Variants in FLT1 observed in about 807,000 individuals in gnomAD.
FLT1 encodes the protein fms related receptor tyrosine kinase 1.
A neutral mutation model predicts 156.3 loss-of-function variants in FLT1; 49 were observed. That is an observed-to-expected ratio of 0.31 (90% confidence interval 0.25 to 0.40). FLT1 has a LOEUF of 0.40. Ranked by LOEUF, FLT1 falls within the 10% of genes least tolerant of loss-of-function variation. The pLI is 1.00. For missense variants in FLT1, 1,322 were observed against 1,637.2 expected (o/e 0.81, Z 3.32); for synonymous variants, 594 against 583.8 (o/e 1.02, Z -0.25).
Position 28,329,772 on chromosome 13 carries a change from G to C in FLT1, c.2594-44C>G, listed in dbSNP as rs1315806176. Reference sequence around the variant, plus strand: ...AGAGTCAGGGCGACAGGACAATGGGGCTCCTTCCGCCGGAGGCGGCATTCT... The same window carrying C: ...AGAGTCAGGGCGACAGGACAATGGGCCTCCTTCCGCCGGAGGCGGCATTCT... On this transcript the variant is annotated intron_variant, in intron 18 of 29. Transcript: ENST00000282397. The C allele has an allele frequency of 4.0e-6, 6 of 1,499,172 alleles. No homozygotes were observed. The East Asian group carries it at 1.1e-4, about 28-fold the overall frequency. 92.9% of individuals were successfully genotyped at this position (1,499,172 alleles called of 1,614,324 possible). A position where few individuals can be genotyped will look rare whatever the true frequency, so the allele number is the denominator to read the frequency against.
intron 10 of FLT1, among the ~76,000 whole-genome samples, chr13:28,416,790 C>T (rs747493799): frequency 2.0e-5 from 3 of 152,134 alleles, no homozygotes; most frequent in Non-Finnish European, 2.9e-5. Flanking sequence ...CCTCATCCTA[C>T]GTGTTCAAGT....
At chr13:28,387,264 GA>G in intron 13 of FLT1, 1 of 1,041,414 alleles carries the variant, frequency 9.6e-7, no homozygotes, top group Non-Finnish European at 1.2e-6. Context: ...ACCCATTTCT[GA>G]AAAATGTTCT....
intron 1 of FLT1, among the ~76,000 whole-genome samples, chr13:28,471,528 A>G (rs1444013250): frequency 6.6e-6 from 1 of 152,202 alleles, no homozygotes; most frequent in African/African-American, 2.4e-5. Flanking sequence ...TGCCCATCTT[A>G]TTAGTGATTT....
chr13:28,426,611 T>C, intron 10 of FLT1, among the ~76,000 whole-genome samples: 1 of 152,078 alleles, frequency 6.6e-6, no homozygotes, highest in East Asian at 1.9e-4. Context: ...TGAGGAGAGT[T>C]CACAGAGAAG....
intron 28 of FLT1, 43 bp from the exon 29 acceptor site, chr13:28,306,815 C>A: frequency 5.2e-6 from 7 of 1,358,600 alleles, no homozygotes; most frequent in Non-Finnish European, 7.4e-6. Flanking sequence ...CCTGGCCCAG[C>A]GGGGGTCCAT....
chr13:28,453,068 T>C (rs1593809235), intron 3 of FLT1, among the ~76,000 whole-genome samples: 1 of 8,080 alleles, frequency 1.2e-4, no homozygotes, highest in African/African-American at 9.5e-4. Flanking sequence ...TTTCCTTTCC[T>C]TTCCTTTCCT....
intron 8 of FLT1, 120 bp from the exon 9 acceptor site, chr13:28,428,041 G>A: frequency 2.4e-6 from 2 of 833,302 alleles, no homozygotes; most frequent in Admixed American, 3.9e-5. Flanking sequence ...GATCATCAGT[G>A]TTGATTTTTA....
At chr13:28,485,359 C>T (rs957422934) in intron 1 of FLT1, among the ~76,000 whole-genome samples, 17 of 152,078 alleles carry the variant, frequency 1.1e-4, no homozygotes, top group African/African-American at 4.1e-4. Flanking sequence ...TCATGTTAGT[C>T]ATCAGAGGCT....
At chr13:28,473,609 C>T (rs928640644) in intron 1 of FLT1, among the ~76,000 whole-genome samples, 18 of 149,472 alleles carry the variant, frequency 1.2e-4, no homozygotes, top group Non-Finnish European at 7.4e-5. Flanking sequence ...TGCGCAATTG[C>T]ACTCCAGCCT....
chr13:28,460,833 C>T (rs1048485369), intron 3 of FLT1, among the ~76,000 whole-genome samples: 5 of 151,340 alleles, frequency 3.3e-5, no homozygotes, highest in African/African-American at 7.3e-5. Flanking sequence ...CACACACGCA[C>T]GTATGTACTT....
intron 3 of FLT1, among the ~76,000 whole-genome samples, chr13:28,445,872 C>A (rs923831368): frequency 1.3e-5 from 2 of 152,084 alleles, no homozygotes; most frequent in African/African-American, 4.8e-5. Flanking sequence ...AATGACAAAC[C>A]AATATCTATT....
rs1237962167 is a variant in FLT1, at chr13:28,411,829, AT to A, written c.1437-5936del. On this transcript the variant is annotated intron_variant, in intron 10 of 29. Coordinates refer to ENST00000282397, the MANE Select transcript of FLT1 (RefSeq NM_002019.4). ...TTATATAAATGTATAATGAAAGCAC[AT>A]TTAATTTGGCAACAAAGAGGGTCCA... Among the ~76,000 whole-genome samples the A allele has an allele frequency of 3.3e-5, 5 of 152,334 alleles. No individual in the cohort carries two copies. In the South Asian group the frequency reaches 8.3e-4, roughly 25 times the overall value.
At chr13:28,401,065 T>C in intron 11 of FLT1, among the ~76,000 whole-genome samples, 1 of 151,942 alleles carries the variant, frequency 6.6e-6, no homozygotes, top group African/African-American at 2.4e-5. Flanking sequence ...GTCTCTACTA[T>C]AAATACAAAA....
intron 28 of FLT1, chr13:28,308,378 G>T: frequency 4.4e-6 from 1 of 227,476 alleles, no homozygotes; most frequent in South Asian, 7.5e-5. Flanking sequence ...TTCTCCCATT[G>T]TGATTGGGTA....
At chr13:28,490,394 C>T (rs1881403212) in intron 1 of FLT1, among the ~76,000 whole-genome samples, 1 of 152,260 alleles carries the variant, frequency 6.6e-6, no homozygotes, top group Non-Finnish European at 1.5e-5. Context: ...AGTCCACTAT[C>T]TTCAGCAGAC....
intron 14 of FLT1, among the ~76,000 whole-genome samples, chr13:28,375,386 ATT>A (rs34800184): frequency 0.44 from 66,911 of 150,386 alleles, 15,963 homozygotes; most frequent in East Asian, 0.6. Context: ...AACATTTTCA[ATT>A]TTTTTTTTTT....
intron 1 of FLT1, among the ~76,000 whole-genome samples, chr13:28,487,496 A>C (rs941636766): frequency 7.9e-5 from 12 of 152,232 alleles, no homozygotes; most frequent in Admixed American, 3.3e-4. Flanking sequence ...TTTGTGCTCC[A>C]CCCATTAAAT....
At chr13:28,361,619 T>A (rs1490064732) in intron 14 of FLT1, among the ~76,000 whole-genome samples, 2 of 152,158 alleles carry the variant, frequency 1.3e-5, no homozygotes, top group Non-Finnish European at 2.9e-5. Context: ...ATTATAAGGG[T>A]AATAACTTGC....
chr13:28,460,814 AC>A (rs1879532700), intron 3 of FLT1, among the ~76,000 whole-genome samples: 3 of 151,954 alleles, frequency 2.0e-5, no homozygotes, highest in African/African-American at 7.3e-5. Flanking sequence ...ACACACACAC[AC>A]ACACACACAC....
Sources: gnomAD v4.1 joint callset for allele counts (sites outside exome capture counted in the v4.1 genomes callset) on GRCh38, gnomAD v4.1.1 for gene constraint, MANE v1.5 for transcripts, NCBI Gene and HGNC (gene_info 2026-07-23, HGNC 2026-07-21) for gene names.